Variants in EXTL3 observed in about 807,000 individuals in gnomAD.
The protein encoded by EXTL3 is exostosin like glycosyltransferase 3, also known as exostosin-like 3.
In EXTL3, 27 loss-of-function variants were observed where a neutral mutation model predicts 69.3. That is an observed-to-expected ratio of 0.39 (90% confidence interval 0.29 to 0.54). The LOEUF (loss-of-function observed/expected upper bound fraction) is 0.54. Ranked by LOEUF, EXTL3 falls within the 20% of genes least tolerant of loss-of-function variation. The pLI, the probability that EXTL3 is intolerant of heterozygous loss-of-function variation, is 0.69. For synonymous variants in EXTL3, 511 were observed against 499.4 expected, an observed-to-expected ratio of 1.02 and a Z score of -0.31; for missense variants, 1,003 against 1,231.8, an observed-to-expected ratio of 0.81 and a Z score of 2.78.
intron 1 of EXTL3, among the ~76,000 whole-genome samples, chr8:28,677,884 T>G (rs929635470): frequency 2.0e-5 from 3 of 152,178 alleles, no homozygotes; most frequent in African/African-American, 4.8e-5. Flanking sequence ...ATTAGTAAAA[T>G]ACTGTTGGGA....
chr8:28,747,623 T>G (rs1029297906), intron 6 of EXTL3, among the ~76,000 whole-genome samples: 1 of 152,216 alleles, frequency 6.6e-6, no homozygotes, highest in Non-Finnish European at 1.5e-5. Context: ...TTATTTCTTT[T>G]GGTTCTCTGG....
rs1450574854 is a variant in EXTL3, at chr8:28,750,630, C to T, written c.2551-27C>T. ...TTCTGTCAGTATTAGCTGGGATTCC[C>T]ACTCTGTCTCTCTCTCCCGTTTCCA... On this transcript the variant is annotated intron_variant, in intron 6 of 6. Coordinates refer to ENST00000220562, the MANE Select transcript of EXTL3 (RefSeq NM_001440.4). The surrounding 1 kb of genome is among the most constrained non-coding windows in gnomAD (Gnocchi z 5.2). The T allele has an allele frequency of 1.3e-6, 2 of 1,589,014 alleles. No individual in the cohort carries two copies. The highest frequency in any genetic ancestry group is 1.3e-5 in the African/African-American group (1 of 74,428).
At chr8:28,666,656 AC>A (rs1807201975) in intron 1 of EXTL3, among the ~76,000 whole-genome samples, 1 of 150,730 alleles carries the variant, frequency 6.6e-6, no homozygotes, top group Non-Finnish European at 1.5e-5. Context: ...GCTCACTACA[AC>A]CCCCGCCTCC....
At chr8:28,756,366 G>A (rs554720373), downstream of EXTL3, among the ~76,000 whole-genome samples, 1 of 152,068 alleles carries the variant, frequency 6.6e-6, no homozygotes, top group Non-Finnish European at 1.5e-5. Flanking sequence ...CTACTCTTGT[G>A]TGTGTCCGTC....
chr8:28,671,291 T>A (rs1407964797), intron 1 of EXTL3, among the ~76,000 whole-genome samples: 2 of 149,524 alleles, frequency 1.3e-5, no homozygotes, highest in African/African-American at 5.0e-5. Context: ...CTAATTTTAT[T>A]TTTATGTTTT....
In EXTL3 at chr8:28,663,923, CAGTT is replaced by C. The variant is rs1252055393; in HGVS notation, c.-53+41116_-53+41119del. Among the ~76,000 whole-genome samples the C allele has an allele frequency of 3.3e-5, 5 of 152,230 alleles. No homozygotes were observed. The East Asian group carries it at 9.6e-4, about 29-fold the overall frequency. On this transcript the variant is annotated intron_variant, in intron 1 of 6. Coordinates refer to the EXTL3 transcript ENST00000523149. Reference sequence around the variant, plus strand: ...TGGCGGCAGGCTAAATTTGGCTGCTCAGTTAGACAGGCGTTACGAAGTGAATAGA... The same window carrying C: ...TGGCGGCAGGCTAAATTTGGCTGCTCAGACAGGCGTTACGAAGTGAATAGA...
At chr8:28,664,407 G>C (rs182310527) in intron 1 of EXTL3, among the ~76,000 whole-genome samples, 1 of 152,188 alleles carries the variant, frequency 6.6e-6, no homozygotes, top group East Asian at 1.9e-4. Context: ...GTTTGAGACA[G>C]GGTCTTGCTG....
In EXTL3 at chr8:28,609,946, T is replaced by TCAATCC. The variant is rs376749223; in HGVS notation, n.314+2189_314+2194dup. On this transcript the variant is annotated intron_variant and non_coding_transcript_variant, in intron 2 of 4. Coordinates refer to the EXTL3 transcript ENST00000522725. ...CAGATGCAGTGGTTCATGCCTGTAA[T>TCAATCC]CAATCCTACCACTTTGGGAGGCCAA... 1.5e-4 allele frequency among the ~76,000 whole-genome samples: 22 copies of TCAATCC among 145,472 alleles called. No individual in the cohort carries two copies. In the East Asian group the frequency reaches 4.5e-3, roughly 30 times the overall value.
chr8:28,719,488 C>A (rs1801248985), intron 3 of EXTL3, among the ~76,000 whole-genome samples: 1 of 152,104 alleles, frequency 6.6e-6, no homozygotes, highest in Admixed American at 6.5e-5. Context: ...GTTGTTACTG[C>A]CTACTTCCTT....
rs150421272 is a variant in EXTL3, at chr8:28,748,309, C to T, written c.2551-2348C>T. ...TGGCATAAACCTGGGAGGCGGAGTT[C>T]GTAGTGAGCCGAGATCACCGCACTG... is the stretch of plus-strand genomic sequence containing the variant. On this transcript the variant is annotated intron_variant, in intron 6 of 6. Transcript: ENST00000220562. Among the ~76,000 whole-genome samples the T allele has an allele frequency of 1.4e-3, 206 of 150,374 alleles. 1 individual carries two copies. Among genetic ancestry groups the T allele is most frequent in the African/African-American group, 4.2e-3 (173 of 40,880 alleles).
intron 6 of EXTL3, among the ~76,000 whole-genome samples, chr8:28,745,448 CAGT>C (rs766591909): frequency 1.4e-4 from 21 of 152,126 alleles, no homozygotes; most frequent in Non-Finnish European, 2.2e-4. Context: ...TATATAAAAA[CAGT>C]ATGTTTTCCA....
intron 1 of EXTL3, among the ~76,000 whole-genome samples, chr8:28,647,789 G>A (rs1039273901): frequency 1.3e-5 from 2 of 151,940 alleles, no homozygotes; most frequent in Admixed American, 6.6e-5. Context: ...GGAAATGATC[G>A]GAGAAGGCAT....
chr8:28,737,756 G>T, intron 5 of EXTL3, 93 bp downstream of exon 5: 1 of 1,339,734 alleles, frequency 7.5e-7, no homozygotes, highest in Non-Finnish European at 1.1e-6. Context: ...CTCTCCTAAC[G>T]CTTCTTACAT....
rs763985368 is a variant in EXTL3, at chr8:28,743,246, G to A, written c.2550+32G>A. On this transcript the variant is annotated intron_variant, in intron 6 of 6. Transcript: ENST00000220562. ...TCCCACCACTGGTGGGGCTGTGGAT[G>A]CGTGCATGTTTACTTCACTTGTTTT... 3.1e-6 allele frequency: 5 copies of A among 1,613,812 alleles called. No individual in the cohort carries two copies. The East Asian group carries it at 1.1e-4, about 36-fold the overall frequency.
In EXTL3 at chr8:28,701,587, G is replaced by C. The variant is rs903881736; in HGVS notation, c.-642G>C. On this transcript the variant is annotated 5_prime_UTR_variant, in exon 1 of 7. Coordinates refer to ENST00000220562, the MANE Select transcript of EXTL3 (RefSeq NM_001440.4). Reference sequence around the variant, plus strand: ...CTGGAAGGCGGGCGGCCGGCAGCCAGAACGGCTTCTGGGACGCCGACTTTC... The same window carrying C: ...CTGGAAGGCGGGCGGCCGGCAGCCACAACGGCTTCTGGGACGCCGACTTTC... 3 of 158,938 alleles carry C rather than the reference G, an allele frequency of 1.9e-5. No individual in the cohort carries two copies. Among genetic ancestry groups the C allele is most frequent in the African/African-American group, 7.2e-5 (3 of 41,540 alleles). The allele number at this position is 158,938 out of a possible 1,614,324, so 9.8% of individuals were successfully genotyped here.
intron 3 of EXTL3, among the ~76,000 whole-genome samples, chr8:28,719,016 C>A (rs903840715): frequency 1.2e-4 from 19 of 152,114 alleles, no homozygotes; most frequent in Non-Finnish European, 2.8e-4. Flanking sequence ...AAATGTGCAG[C>A]CTTAGAGCAG....
At chr8:28,695,452 G>A (rs1239241336) in intron 1 of EXTL3, among the ~76,000 whole-genome samples, 2 of 152,182 alleles carry the variant, frequency 1.3e-5, no homozygotes, top group African/African-American at 2.4e-5. Flanking sequence ...TGGACACCCA[G>A]TGTCACCTGG....
chr8:28,683,896 G>A (rs978843211), intron 1 of EXTL3, among the ~76,000 whole-genome samples: 1 of 150,464 alleles, frequency 6.6e-6, no homozygotes, highest in African/African-American at 2.4e-5. Flanking sequence ...CTATATTTTT[G>A]TGCCCATTAA....
At chr8:28,710,503 T>C (rs1216941532) in intron 1 of EXTL3, 1 of 455,972 alleles carries the variant, frequency 2.2e-6, no homozygotes, top group Non-Finnish European at 4.4e-6. Flanking sequence ...GAAATGAAGG[T>C]GTAAGTGGGG....
Sources: gnomAD v4.1 joint callset for allele counts (sites outside exome capture counted in the v4.1 genomes callset) on GRCh38, gnomAD v4.1.1 for gene constraint, Gnocchi (gnomAD v3.1) non-coding constraint, MANE v1.5 for transcripts, NCBI Gene and HGNC (gene_info 2026-07-23, HGNC 2026-07-21) for gene names.